The following NEK10 variants were observed in gnomAD, a reference collection of about 807,000 sequenced individuals.
NEK10 encodes the protein NIMA related kinase 10.
NEK10 carries 122 observed loss-of-function variants against 159.8 expected under a neutral mutation model. The observed-to-expected ratio is 0.76, with a 90% CI of 0.66 to 0.89. NEK10 has a LOEUF of 0.89. Ranked by LOEUF, NEK10 falls within the 40% of genes least tolerant of loss-of-function variation. NEK10 has a pLI of 0.00. For missense variants in NEK10, 1,342 were observed against 1,323.1 expected (o/e 1.01, Z -0.22); for synonymous variants, 466 against 457.1 (o/e 1.02, Z -0.25).
At chr3:27,203,780 T>C (rs1290138804) in intron 23 of NEK10, among the ~76,000 whole-genome samples, 1 of 152,208 alleles carries the variant, frequency 6.6e-6, no homozygotes, top group African/African-American at 2.4e-5. Flanking sequence ...CAAATTACTG[T>C]TCTTGAGAGG....
intron 12 of NEK10, 96 bp from the exon 13 acceptor site, chr3:27,301,931 G>A (rs112606408): frequency 0.017 from 15,116 of 900,278 alleles, 167 homozygotes; most frequent in South Asian, 0.022. Flanking sequence ...CCTCCCTCAG[G>A]TCATGAAGGC....
chr3:27,261,622 T>G (rs2040420233), intron 22 of NEK10, among the ~76,000 whole-genome samples: 2 of 152,208 alleles, frequency 1.3e-5, no homozygotes, highest in Admixed American at 1.3e-4. Context: ...TTACATTTGC[T>G]GAGGAGTGCT....
At chr3:27,359,718 T>C (rs568766311) in intron 1 of NEK10, among the ~76,000 whole-genome samples, 3 of 152,332 alleles carry the variant, frequency 2.0e-5, no homozygotes, top group Admixed American at 6.5e-5. Context: ...AATGTCAACA[T>C]TAAGGGAAGC....
chr3:27,278,277 T>C (rs548334351), intron 22 of NEK10, among the ~76,000 whole-genome samples: 1 of 152,346 alleles, frequency 6.6e-6, no homozygotes, highest in Non-Finnish European at 1.5e-5. Context: ...TTCATCACTC[T>C]GTAACAGAAT....
chr3:27,345,665 G>T (rs188189440), intron 4 of NEK10, among the ~76,000 whole-genome samples: 5 of 152,256 alleles, frequency 3.3e-5, no homozygotes, highest in Admixed American at 3.3e-4. Flanking sequence ...GAGGTGTGCC[G>T]CAAGCCCTTC....
At chr3:27,325,560 A>G (rs1376285909) in intron 5 of NEK10, among the ~76,000 whole-genome samples, 1 of 152,134 alleles carries the variant, frequency 6.6e-6, no homozygotes, top group African/African-American at 2.4e-5. Flanking sequence ...ACCTGAGTGA[A>G]TGAGAACCAT....
At chr3:27,312,217 A>G in intron 7 of NEK10, 40 bp from the exon 8 acceptor site, 2 of 1,293,802 alleles carry the variant, frequency 1.5e-6, no homozygotes, top group Non-Finnish European at 2.2e-6. Flanking sequence ...TCAGGACACC[A>G]AAAGCACCCA....
intron 23 of NEK10, among the ~76,000 whole-genome samples, chr3:27,232,863 A>G (rs1953457854): frequency 6.6e-6 from 1 of 152,138 alleles, no homozygotes; most frequent in Non-Finnish European, 1.5e-5. Context: ...AGCCACATGT[A>G]GAAGAATAAA....
At chr3:27,279,797 C>T (rs2042018914) in intron 22 of NEK10, among the ~76,000 whole-genome samples, 1 of 152,156 alleles carries the variant, frequency 6.6e-6, no homozygotes, top group Non-Finnish European at 1.5e-5. Context: ...GCTAGCCTCA[C>T]CAGTATGCCA....
At chr3:27,120,905 T>G (rs771875623) in intron 32 of NEK10, among the ~76,000 whole-genome samples, 3 of 152,150 alleles carry the variant, frequency 2.0e-5, no homozygotes, top group South Asian at 2.1e-4. Context: ...TTCATAATAA[T>G]AAGTCAGAAA....
chr3:27,322,390 A>G (rs1369343218), intron 5 of NEK10, 129 bp from the exon 6 acceptor site: 1 of 635,862 alleles, frequency 1.6e-6, no homozygotes, highest in African/African-American at 1.8e-5. Context: ...GGGGACTGTT[A>G]TTTGGTACTT....
intron 30 of NEK10, among the ~76,000 whole-genome samples, chr3:27,144,635 T>G (rs1944118576): frequency 6.6e-6 from 1 of 152,220 alleles, no homozygotes; most frequent in South Asian, 2.1e-4. Context: ...CTGTACTTCT[T>G]TGGTAAATTT....
chr3:27,287,672 G>C, intron 20 of NEK10, 26 bp downstream of exon 20: 1 of 1,553,270 alleles, frequency 6.4e-7, no homozygotes. Context: ...TCCTTATTTA[G>C]AAATATCATG....
At chr3:27,199,267 A>G (rs1949834505) in intron 25 of NEK10, among the ~76,000 whole-genome samples, 1 of 152,128 alleles carries the variant, frequency 6.6e-6, no homozygotes, top group African/African-American at 2.4e-5. Flanking sequence ...AATTTACAAG[A>G]GAAAAACAAC....
intron 5 of NEK10, among the ~76,000 whole-genome samples, chr3:27,343,547 C>T (rs1039312679): frequency 1.3e-5 from 2 of 152,076 alleles, no homozygotes; most frequent in East Asian, 3.8e-4. Context: ...GAAGAGTATG[C>T]GCCTCCTGAA....
chr3:27,358,867 A>C (rs991604509), intron 1 of NEK10, among the ~76,000 whole-genome samples: 2 of 152,168 alleles, frequency 1.3e-5, no homozygotes, highest in Non-Finnish European at 2.9e-5. Context: ...TAAATACTCC[A>C]TTTTATTTAC....
rs533905062 is a variant in NEK10 at position 27,259,068 on chromosome 3, T to G, written c.2015-2697A>C. On this transcript the variant is annotated intron_variant, in intron 22 of 35. Transcript: ENST00000691995. ...TTCACCCACTTGTTGATGCAGTTGT[T>G]TTTTTTTTATTGTAAATTTGAGGGA... Among the ~76,000 whole-genome samples the G allele has an allele frequency of 2.2e-5, 3 of 138,998 alleles. No homozygotes were observed. The South Asian group carries it at 6.7e-4, about 31-fold the overall frequency. The allele number at this position is 138,998 out of a possible 152,430, so 91.2% of individuals were successfully genotyped here.
intron 23 of NEK10, among the ~76,000 whole-genome samples, chr3:27,239,469 G>T (rs148331093): frequency 8.3e-4 from 127 of 152,166 alleles, no homozygotes; most frequent in African/African-American, 3.0e-3. Context: ...TCTGTGGAAG[G>T]GGGAGGAGAA....
At chr3:27,327,158 C>G (rs1298195997) in intron 5 of NEK10, among the ~76,000 whole-genome samples, 3 of 152,162 alleles carry the variant, frequency 2.0e-5, no homozygotes, top group African/African-American at 7.2e-5. Flanking sequence ...CATTCCAGTG[C>G]TCTTGCCATC....
Sources: gnomAD v4.1 joint callset for allele counts (sites outside exome capture counted in the v4.1 genomes callset) on GRCh38, gnomAD v4.1.1 for gene constraint, MANE v1.5 for transcripts, NCBI Gene and HGNC (gene_info 2026-07-23, HGNC 2026-07-21) for gene names.